Variants in LRMDA observed in about 807,000 individuals in gnomAD.
LRMDA encodes leucine rich melanocyte differentiation associated, also known as leucine-rich melanocyte differentiation-associated protein.
Under a neutral mutation model 29.8 loss-of-function variants are expected in LRMDA, and 18 were observed. The observed-to-expected ratio is 0.60, with a 90% confidence interval of 0.42 to 0.90. LRMDA has a LOEUF of 0.90. LRMDA is among the 40% of genes least tolerant of loss of function. LRMDA has a pLI of 0.00. For missense variants in LRMDA, 273 were observed against 273.9 expected, an observed-to-expected ratio of 1.00 and a Z score of 0.02; for synonymous variants, 125 against 109.4, an observed-to-expected ratio of 1.14 and a Z score of -0.89.
intron 6 of LRMDA, among the ~76,000 whole-genome samples, chr10:76,324,747 A>G (rs964373586): frequency 6.6e-6 from 1 of 152,178 alleles, no homozygotes; most frequent in Admixed American, 6.5e-5. Context: ...AAGAGATTAG[A>G]GTACTTAAAA....
chr10:76,305,158 A>G (rs1012009286), intron 5 of LRMDA, among the ~76,000 whole-genome samples: 1 of 152,134 alleles, frequency 6.6e-6, no homozygotes, highest in African/African-American at 2.4e-5. Context: ...GGATAAACCC[A>G]GGAGCTGGAG....
intron 2 of LRMDA, among the ~76,000 whole-genome samples, chr10:75,696,345 G>A (rs761374616): frequency 2.4e-4 from 36 of 152,246 alleles, no homozygotes; most frequent in Non-Finnish European, 4.4e-4. Flanking sequence ...TGGACACTGA[G>A]CCAAAGGGAA....
At chr10:75,690,072 T>C (rs1159043567) in intron 2 of LRMDA, among the ~76,000 whole-genome samples, 2 of 152,204 alleles carry the variant, frequency 1.3e-5, no homozygotes, top group Admixed American at 6.5e-5. Flanking sequence ...TACTTAATAT[T>C]TGTAGCTACT....
chr10:75,993,329 T>C (rs1006272924), intron 2 of LRMDA, among the ~76,000 whole-genome samples: 1 of 152,214 alleles, frequency 6.6e-6, no homozygotes, highest in African/African-American at 2.4e-5. Flanking sequence ...GAGGATACTA[T>C]GTTAGCATTT....
At chr10:75,895,066 G>A (rs980400732) in intron 2 of LRMDA, among the ~76,000 whole-genome samples, 1 of 152,180 alleles carries the variant, frequency 6.6e-6, no homozygotes, top group African/African-American at 2.4e-5. Context: ...AGAAGAACTT[G>A]AAGTCCTGGA....
intron 6 of LRMDA, among the ~76,000 whole-genome samples, chr10:76,394,214 A>C (rs1364976280): frequency 6.6e-6 from 1 of 152,190 alleles, no homozygotes; most frequent in Admixed American, 6.5e-5. Context: ...CCATTTGTTT[A>C]ATGGCTTTAA....
chr10:75,782,979 G>T, intron 2 of LRMDA: 2 of 1,614,028 alleles, frequency 1.2e-6, no homozygotes, highest in Non-Finnish European at 1.7e-6. Context: ...GAAATGAATG[G>T]AAAAGTATTT....
At position 76,289,065 on chromosome 10, in the gene LRMDA, A is replaced by C. The variant is rs945518793; in HGVS notation, c.517-35336A>C. On this transcript the variant is annotated intron_variant, in intron 5 of 6. Transcript: ENST00000611255. ...ATTTATTAATGGTTTGCCCAAACCAAGGGCAAGGACATATTACAGTGGAAG... is the reference window on the plus strand; with the variant it reads ...ATTTATTAATGGTTTGCCCAAACCACGGGCAAGGACATATTACAGTGGAAG... 2.0e-5 allele frequency among the ~76,000 whole-genome samples: 3 copies of C among 152,348 alleles called. No homozygotes were observed. In the South Asian group the frequency reaches 6.2e-4, roughly 32 times the overall value.
intron 2 of LRMDA, among the ~76,000 whole-genome samples, chr10:75,531,487 C>T (rs1845477993): frequency 1.3e-5 from 2 of 152,164 alleles, no homozygotes; most frequent in African/African-American, 2.4e-5. Context: ...ACCCTGTACT[C>T]CCATCCTTTG....
At chr10:76,420,259 T>G (rs1197714955) in intron 6 of LRMDA, among the ~76,000 whole-genome samples, 1 of 152,010 alleles carries the variant, frequency 6.6e-6, no homozygotes, top group Non-Finnish European at 1.5e-5. Context: ...ATTCTATTCT[T>G]TATTATACCT....
At chr10:76,451,916 C>G (rs1247839773) in intron 6 of LRMDA, among the ~76,000 whole-genome samples, 1 of 152,160 alleles carries the variant, frequency 6.6e-6, no homozygotes, top group Non-Finnish European at 1.5e-5. Flanking sequence ...CTCGGCCTCC[C>G]AAAATGCTGG....
intron 5 of LRMDA, among the ~76,000 whole-genome samples, chr10:76,311,013 T>C (rs564533092): frequency 2.6e-5 from 4 of 152,308 alleles, no homozygotes; most frequent in African/African-American, 9.6e-5. Flanking sequence ...GTCTGAGAAC[T>C]ATAGACTCAC....
intron 2 of LRMDA, among the ~76,000 whole-genome samples, chr10:75,449,633 C>T (rs537484896): frequency 6.6e-5 from 10 of 151,766 alleles, no homozygotes; most frequent in African/African-American, 1.5e-4. Flanking sequence ...TGAAGTCATA[C>T]GTATATAGCA....
chr10:75,946,898 C>A (rs1846485330), intron 2 of LRMDA, among the ~76,000 whole-genome samples: 1 of 152,154 alleles, frequency 6.6e-6, no homozygotes, highest in East Asian at 1.9e-4. Context: ...CTCTAAGAAA[C>A]CTTTCAAGAC....
At chr10:76,331,559 A>G (rs1482451175) in intron 6 of LRMDA, among the ~76,000 whole-genome samples, 1 of 152,194 alleles carries the variant, frequency 6.6e-6, no homozygotes, top group Admixed American at 6.5e-5. Context: ...GAGAGAAAAG[A>G]AAAAAGAAAA....
chr10:75,962,752 C>T (rs1846791334), intron 2 of LRMDA, among the ~76,000 whole-genome samples: 2 of 152,338 alleles, frequency 1.3e-5, no homozygotes, highest in South Asian at 4.1e-4. Context: ...AAAATACATT[C>T]ACTCAAAGTA....
At chr10:76,128,749 C>T (rs954453246) in intron 5 of LRMDA, among the ~76,000 whole-genome samples, 3 of 152,144 alleles carry the variant, frequency 2.0e-5, no homozygotes, top group African/African-American at 4.8e-5. Context: ...GAGTACAAGG[C>T]GAGGGACCTT....
intron 2 of LRMDA, among the ~76,000 whole-genome samples, chr10:75,818,584 C>T (rs1589217178): frequency 6.6e-6 from 1 of 152,180 alleles, no homozygotes; most frequent in Non-Finnish European, 1.5e-5. Flanking sequence ...TCCAGAGGTG[C>T]CCAGCCCTAC....
intron 2 of LRMDA, among the ~76,000 whole-genome samples, chr10:75,581,626 A>G (rs1379064331): frequency 6.6e-6 from 1 of 152,146 alleles, no homozygotes; most frequent in East Asian, 1.9e-4. Context: ...GGATGAGTTC[A>G]TGTCCTTTGC....
Sources: gnomAD v4.1 joint callset for allele counts (sites outside exome capture counted in the v4.1 genomes callset) on GRCh38, gnomAD v4.1.1 for gene constraint, MANE v1.5 for transcripts, NCBI Gene and HGNC (gene_info 2026-07-23, HGNC 2026-07-21) for gene names.